Variants in LDLRAD4 observed in about 807,000 individuals in gnomAD.
LDLRAD4 encodes low-density lipoprotein receptor class A domain-containing protein 4.
Under a neutral mutation model 17.0 loss-of-function variants are expected in LDLRAD4, and 5 were observed. The ratio of observed to expected loss-of-function variants is 0.29; its 90% CI spans 0.15 to 0.62. The LOEUF (loss-of-function observed/expected upper bound fraction) is 0.62, where lower values mean the gene tolerates loss of function less well. Among genes scored for constraint, LDLRAD4 ranks in the 20% least tolerant of loss-of-function variants. The pLI is 0.84. For synonymous variants in LDLRAD4, 168 were observed against 171.8 expected (o/e 0.98, Z 0.17); for missense variants, 340 against 424.7 (o/e 0.80, Z 1.75).
At chr18:13,385,905 C>T (rs775553077) in intron 1 of LDLRAD4, among the ~76,000 whole-genome samples, 2 of 152,162 alleles carry the variant, frequency 1.3e-5, no homozygotes, top group Non-Finnish European at 2.9e-5. Flanking sequence ...CTTGAGGACT[C>T]CTACTGGGCC....
chr18:13,435,779 C>T (rs898745206), intron 2 of LDLRAD4, among the ~76,000 whole-genome samples: 4 of 152,124 alleles, frequency 2.6e-5, no homozygotes, highest in Admixed American at 6.6e-5. Flanking sequence ...ATGTTGTTTC[C>T]GTTATCTAAG....
intron 1 of LDLRAD4, among the ~76,000 whole-genome samples, chr18:13,375,886 T>C (rs956603218): frequency 6.6e-6 from 1 of 152,202 alleles, no homozygotes; most frequent in African/African-American, 2.4e-5. Flanking sequence ...GTTTCCCGAT[T>C]TCAAGTGTAT....
intron 3 of LDLRAD4, among the ~76,000 whole-genome samples, chr18:13,593,566 T>TGTCCGTCC (rs142793521): frequency 9.2e-5 from 14 of 151,672 alleles, no homozygotes; most frequent in African/African-American, 3.4e-4. Context: ...TCTATCTGTC[T>TGTCCGTCC]GTCCGTCCGT....
chr18:13,538,537 T>TG (rs912305904), intron 3 of LDLRAD4, among the ~76,000 whole-genome samples: 2 of 151,984 alleles, frequency 1.3e-5, no homozygotes, highest in African/African-American at 4.8e-5. Flanking sequence ...ATGATTTTTT[T>TG]TTTTTTTGAG....
intron 1 of LDLRAD4, among the ~76,000 whole-genome samples, chr18:13,292,758 G>A (rs1403915286): frequency 1.3e-5 from 2 of 152,202 alleles, no homozygotes; most frequent in Non-Finnish European, 2.9e-5. Context: ...TGCAATTAAT[G>A]AGGCAGCAGT....
chr18:13,274,041 G>T (rs945948697), upstream of LDLRAD4, among the ~76,000 whole-genome samples: 3 of 152,144 alleles, frequency 2.0e-5, no homozygotes, highest in African/African-American at 7.2e-5. Context: ...GGCGTGTGAG[G>T]AGCTCAGCCA....
At chr18:13,523,797 C>T (rs2093988896) in intron 3 of LDLRAD4, among the ~76,000 whole-genome samples, 1 of 152,180 alleles carries the variant, frequency 6.6e-6, no homozygotes, top group Admixed American at 6.5e-5. Flanking sequence ...GTGGGCTCTC[C>T]CTGGTGACAC....
chr18:13,520,078 C>G (rs2093930059), intron 3 of LDLRAD4: 1 of 152,212 alleles, frequency 6.6e-6, no homozygotes. Context: ...ATTTTCTCAA[C>G]CATAAGAATC....
intron 1 of LDLRAD4, among the ~76,000 whole-genome samples, chr18:13,334,529 C>A (rs926178324): frequency 2.0e-5 from 3 of 152,166 alleles, no homozygotes; most frequent in African/African-American, 7.2e-5. Flanking sequence ...CCACTGCACC[C>A]GGCCTCAATT....
Position 13,610,742 on chromosome 18 carries a change from C to T in LDLRAD4, c.182-10375C>T, listed in dbSNP as rs538502971. On this transcript the variant is annotated intron_variant, in intron 3 of 5. Transcript: ENST00000359446. ...GCCTCGGGGCTCCAGGGACAAGGGG[C>T]GCTGGTAGCCAGGGAGGGGCGGCTT... is the stretch of plus-strand genomic sequence containing the variant. 5.9e-5 allele frequency among the ~76,000 whole-genome samples: 9 copies of T among 152,246 alleles called. No individual in the cohort carries two copies. The South Asian group carries it at 6.2e-4, about 11-fold the overall frequency.
chr18:13,375,809 T>C (rs2084863473), intron 1 of LDLRAD4, among the ~76,000 whole-genome samples: 1 of 152,122 alleles, frequency 6.6e-6, no homozygotes, highest in South Asian at 2.1e-4. Context: ...GGCCTTCTCC[T>C]CCTCGTTTCC....
chr18:13,355,554 C>T (rs2083285695), intron 1 of LDLRAD4, among the ~76,000 whole-genome samples: 1 of 152,218 alleles, frequency 6.6e-6, no homozygotes, highest in Admixed American at 6.5e-5. Flanking sequence ...CTTACTAAGA[C>T]CTATGCTGTC....
chr18:13,516,721 C>T (rs970740335), intron 3 of LDLRAD4, among the ~76,000 whole-genome samples: 3 of 152,172 alleles, frequency 2.0e-5, no homozygotes, highest in Admixed American at 1.3e-4. Flanking sequence ...AGGTTTGTTA[C>T]CCTGGATAAT....
chr18:13,238,055 C>CT lies in LDLRAD4; in HGVS notation c.-467+19068dup, dbSNP rs1352059387. Reference sequence around the variant, plus strand: ...AATGGACAGTGGAGTGAGGCTGTTCCTAGCCATCCTTACCCACAAGCTTGC... The same window carrying CT: ...AATGGACAGTGGAGTGAGGCTGTTCCTTAGCCATCCTTACCCACAAGCTTGC... On this transcript the variant is annotated intron_variant, in intron 1 of 5. Coordinates refer to the LDLRAD4 transcript ENST00000399848. Among the ~76,000 whole-genome samples, 6 of 152,270 alleles carry CT rather than the reference C, an allele frequency of 3.9e-5. No individual in the cohort carries two copies. The South Asian group carries it at 1.2e-3, about 32-fold the overall frequency.
intron 1 of LDLRAD4, among the ~76,000 whole-genome samples, chr18:13,291,135 G>A (rs186871470): frequency 6.6e-6 from 1 of 152,358 alleles, no homozygotes; most frequent in African/African-American, 2.4e-5. Flanking sequence ...CTGCTCAGGA[G>A]CGTGTCTGAA....
chr18:13,289,150 A>T (rs1257505436), intron 1 of LDLRAD4, among the ~76,000 whole-genome samples: 1 of 152,240 alleles, frequency 6.6e-6, no homozygotes, highest in Non-Finnish European at 1.5e-5. Context: ...AGGTCCCAGC[A>T]CTGGAGCTGT....
chr18:13,638,510 G>C (rs1023722508), intron 4 of LDLRAD4, among the ~76,000 whole-genome samples: 4 of 152,180 alleles, frequency 2.6e-5, no homozygotes, highest in Non-Finnish European at 5.9e-5. Context: ...TTGCAAGGCA[G>C]TGCACATACA....
At chr18:13,312,756 GAAAC>G (rs915774615) in intron 1 of LDLRAD4, among the ~76,000 whole-genome samples, 6 of 151,972 alleles carry the variant, frequency 3.9e-5, no homozygotes, top group African/African-American at 1.5e-4. Flanking sequence ...AAAAAGGAAA[GAAAC>G]AAAAATACAC....
At chr18:13,442,779 G>T (rs761795713) in intron 3 of LDLRAD4, among the ~76,000 whole-genome samples, 4 of 152,200 alleles carry the variant, frequency 2.6e-5, no homozygotes, top group African/African-American at 9.7e-5. Context: ...TAATTGAGTG[G>T]TCTGTGCAGC....
Sources: allele counts gnomAD v4.1 joint callset (sites outside exome capture counted in the v4.1 genomes callset), GRCh38; gene constraint gnomAD v4.1.1; transcripts MANE v1.5; gene names NCBI Gene and HGNC (gene_info 2026-07-23, HGNC 2026-07-21).